MOB2: variants seen among roughly 807,000 people sequenced by gnomAD.
MOB2 encodes MOB2 Mps One Binder homolog.
Under a neutral mutation model 27.4 loss-of-function variants are expected in MOB2, and 14 were observed. That is an observed-to-expected ratio of 0.51 (90% CI 0.34 to 0.80). MOB2 has a LOEUF of 0.80. Among genes scored for constraint, MOB2 ranks in the 30% least tolerant of loss-of-function variants. The pLI is 0.01. For missense variants in MOB2, 304 were observed against 354.6 expected (o/e 0.86, Z 1.15); for synonymous variants, 167 against 151.8 (o/e 1.10, Z -0.74).
chr11:1,480,710 C>G lies in MOB2; in HGVS notation c.271+15G>C. The G allele has an allele frequency of 6.3e-7, 1 of 1,598,610 alleles. No individual in the cohort carries two copies. Among genetic ancestry groups the G allele is most frequent in the Non-Finnish European group, 8.5e-7 (1 of 1,173,320 alleles). On this transcript the variant is annotated intron_variant, in intron 2 of 4. Transcript: ENST00000329957. ...AGGGAGGAGGGAGGGGGCCCGCCCC[C>G]AGGCCCCCGCGCACTGTTGCTGGCC... is the stretch of plus-strand genomic sequence containing the variant.
At chr11:1,480,073 C>T (rs1391377858) in intron 3 of MOB2, among the ~76,000 whole-genome samples, 1 of 152,228 alleles carries the variant, frequency 6.6e-6, no homozygotes, top group Non-Finnish European at 1.5e-5. Flanking sequence ...CCAGAGCTGT[C>T]ACGGGAGCCA....
At chr11:1,483,224 C>T (rs1034285189) in intron 1 of MOB2, among the ~76,000 whole-genome samples, 1 of 152,234 alleles carries the variant, frequency 6.6e-6, no homozygotes, top group Non-Finnish European at 1.5e-5. Flanking sequence ...GCCCTGCTCC[C>T]AGCTCCCCCT....
chr11:1,482,096 C>T (rs1378766940), intron 1 of MOB2, among the ~76,000 whole-genome samples: 3 of 152,198 alleles, frequency 2.0e-5, no homozygotes, highest in Non-Finnish European at 4.4e-5. Context: ...CTGCCCTGTG[C>T]TCTCACAGCA....
chr11:1,475,152 A>G (rs1462289541), intron 3 of MOB2, among the ~76,000 whole-genome samples: 1 of 152,248 alleles, frequency 6.6e-6, no homozygotes, highest in South Asian at 2.1e-4. Flanking sequence ...TGTTAAGTTT[A>G]TAACTAAGGA....
At chr11:1,476,546 T>C (rs1459528495) in intron 3 of MOB2, among the ~76,000 whole-genome samples, 2 of 152,248 alleles carry the variant, frequency 1.3e-5, no homozygotes, top group East Asian at 3.8e-4. Context: ...ACCAATTTAT[T>C]ACCTTTCAAA....
intron 1 of MOB2, chr11:1,481,186 G>T: frequency 2.0e-6 from 1 of 508,474 alleles, no homozygotes; most frequent in Non-Finnish European, 3.7e-6. Flanking sequence ...TCCAACCAGG[G>T]AGGGGCCCAG....
intron 1 of MOB2, among the ~76,000 whole-genome samples, chr11:1,484,697 G>A (rs985217390): frequency 6.6e-6 from 1 of 152,090 alleles, no homozygotes; most frequent in Non-Finnish European, 1.5e-5. Flanking sequence ...GTTGAGGGGG[G>A]GCCTGAAAAC....
intron 3 of MOB2, among the ~76,000 whole-genome samples, chr11:1,473,751 A>G (rs551726185): frequency 1.3e-5 from 2 of 152,352 alleles, no homozygotes; most frequent in East Asian, 3.9e-4. Context: ...TCTGGTATAT[A>G]GTTCTAAGAT....
intron 1 of MOB2, among the ~76,000 whole-genome samples, chr11:1,482,979 C>T (rs537551474): frequency 1.3e-5 from 2 of 152,224 alleles, no homozygotes; most frequent in Non-Finnish European, 2.9e-5. Context: ...GCCCATTGCT[C>T]GGTCCAAGCC....
At chr11:1,481,744 AGGGGCAGGGG>A (rs1473350609) in intron 1 of MOB2, among the ~76,000 whole-genome samples, 6 of 5,526 alleles carry the variant, frequency 1.1e-3, no homozygotes, top group African/African-American at 3.4e-3. Flanking sequence ...AGGGGCAGGG[AGGGGCAGGGG>A]CAGGGGCAGG....
intron 3 of MOB2, among the ~76,000 whole-genome samples, chr11:1,475,973 T>C (rs571308148): frequency 1.3e-5 from 2 of 152,242 alleles, no homozygotes; most frequent in African/African-American, 4.8e-5. Context: ...CATCACGCTC[T>C]TGCGCTTTGG....
At chr11:1,473,862 G>A (rs1174872914) in intron 3 of MOB2, among the ~76,000 whole-genome samples, 1 of 152,248 alleles carries the variant, frequency 6.6e-6, no homozygotes, top group Admixed American at 6.5e-5. Flanking sequence ...CAGCACCCCG[G>A]GGATGGCTCC....
Position 1,470,228 on chromosome 11 carries a change from C to T in MOB2, c.751G>A (p.Gly251Arg), listed in dbSNP as rs1361848182. The change falls in exon 5 of 5, where the codon GGG becomes AGG. Residue 251 changes from glycine (G) to arginine (R), a missense_variant. Transcript: ENST00000329957. ...GGGCCCCCGCTGCCGGCCCCATCCC[C>T]ACTGCCCCCACTGTGGACCCCGCCG... ...GAGGVHSGGS[G>R]DGAGSGGPGA... The T allele has an allele frequency of 1.9e-6, 3 of 1,612,426 alleles. No homozygotes were observed. Among genetic ancestry groups the T allele is most frequent in the Non-Finnish European group, 2.5e-6 (3 of 1,179,794 alleles).
At chr11:1,486,138 G>C (rs1406397074) in intron 1 of MOB2, among the ~76,000 whole-genome samples, 1 of 152,252 alleles carries the variant, frequency 6.6e-6, no homozygotes, top group Non-Finnish European at 1.5e-5. Context: ...GGTCAACCCC[G>C]AAGGTCGAGG....
chr11:1,482,338 G>A (rs548363339), intron 1 of MOB2, among the ~76,000 whole-genome samples: 1 of 152,362 alleles, frequency 6.6e-6, no homozygotes, highest in Admixed American at 6.5e-5. Flanking sequence ...TGTGCCCCAG[G>A]GCCCACTCAG....
Position 1,470,270 on chromosome 11 carries a change from C to A in MOB2, c.709G>T (p.Val237Leu). 1 of 1,613,044 alleles carries A rather than the reference C, an allele frequency of 6.2e-7. No homozygotes were observed. Among genetic ancestry groups the A allele is most frequent in the East Asian group, 2.2e-5 (1 of 44,878 alleles). Residue 237 changes from valine to leucine, a missense_variant, in exon 5 of 5, where the codon GTG becomes TTG. By Grantham distance (32) the Val-to-Leu change is conservative. Coordinates refer to ENST00000329957, the MANE Select transcript of MOB2 (RefSeq NM_001172223.3). ...ACCCCGCCGGCCCCGCTGCATAGCA[C>A]CTCGGTGAGGTCGTCCATGATGGCG... ...ETAIMDDLTEVLCSGAGGVHS... is the reference protein window; with the variant it reads ...ETAIMDDLTELLCSGAGGVHS...
rs1847774274 is a variant in MOB2 at position 1,470,502 on chromosome 11, C to T, written c.491-14G>A. ...GGAATTCTCTGCCTGGGGAAGGCCACCGTGTCACAAGCTGCAGACATCCCT... is the reference window on the plus strand; with the variant it reads ...GGAATTCTCTGCCTGGGGAAGGCCATCGTGTCACAAGCTGCAGACATCCCT... On this transcript the variant is annotated splice_polypyrimidine_tract_variant and intron_variant, in intron 4 of 4. Transcript: ENST00000329957. 4 of 1,606,748 alleles carry T rather than the reference C, an allele frequency of 2.5e-6. No individual in the cohort carries two copies. The highest frequency in any genetic ancestry group is 1.3e-5 in the African/African-American group (1 of 74,986).
Position 1,470,475 on chromosome 11 carries a change from G to A in MOB2, c.504C>T (p.Pro168=), listed in dbSNP as rs1847773522. 6 of 1,611,418 alleles carry A rather than the reference G, an allele frequency of 3.7e-6. No individual in the cohort carries two copies. The highest frequency in any genetic ancestry group is 3.4e-6 in the Non-Finnish European group (4 of 1,178,202). The change falls in exon 5 of 5, where the codon CCC becomes CCT. Residue 168 remains proline, a synonymous_variant. Transcript: ENST00000329957. ...TCCTCACCAGGGACTCAAAGGAGCT[G>A]GGGAATTCTCTGCCTGGGGAAGGCC... is the stretch of plus-strand genomic sequence containing the variant. ...VFPTKYGREF[P]SSFESLVRKI... is the part of the protein sequence containing the mutation.
At chr11:1,475,463 C>G (rs1847842318) in intron 3 of MOB2, among the ~76,000 whole-genome samples, 1 of 152,148 alleles carries the variant, frequency 6.6e-6, no homozygotes, top group Non-Finnish European at 1.5e-5. Context: ...AAAATAAAGA[C>G]AGGCAGACTT....
Sources: allele counts gnomAD v4.1 joint callset (sites outside exome capture counted in the v4.1 genomes callset), GRCh38; gene constraint gnomAD v4.1.1; transcripts MANE v1.5; gene names NCBI Gene and HGNC (gene_info 2026-07-23, HGNC 2026-07-21).